Variants in SPOCK2 observed in about 807,000 individuals in gnomAD.
The protein encoded by SPOCK2 is testican-2.
SPOCK2 carries 39 observed loss-of-function variants against 60.1 expected under a neutral mutation model. The ratio of observed to expected loss-of-function variants is 0.65; its 90% CI spans 0.50 to 0.85. SPOCK2 has a LOEUF of 0.85. Among genes scored for constraint, SPOCK2 ranks in the 40% least tolerant of loss-of-function variants. The probability of loss-of-function intolerance (pLI) is 0.00; values close to 1 mark genes in which losing one functional copy is unlikely to be tolerated. For synonymous variants in SPOCK2, 217 were observed against 231.5 expected, an observed-to-expected ratio of 0.94 and a Z score of 0.57; for missense variants, 523 against 567.4, an observed-to-expected ratio of 0.92 and a Z score of 0.80.
chr10:72,067,812 C>CA, intron 6 of SPOCK2, 80 bp from the exon 7 acceptor site: 1 of 1,552,548 alleles, frequency 6.4e-7, no homozygotes, highest in Admixed American at 1.9e-5. Flanking sequence ...TCCTGCCCTA[C>CA]AGGCCAGGAG....
Position 72,087,464 on chromosome 10 carries a change from T to C in SPOCK2, c.189+676A>G, listed in dbSNP as rs796107362. Among the ~76,000 whole-genome samples, 126 of 152,152 alleles carry C rather than the reference T, an allele frequency of 8.3e-4. No individual in the cohort carries two copies. The highest frequency in any genetic ancestry group is 2.6e-3 in the African/African-American group (110 of 41,530). ...CCTCGCTCCAGGCTGGATTCCCCCC[T>C]GAAATGTTGGTCCGGGAAAACCAGC... On this transcript the variant is annotated intron_variant, in intron 1 of 10. Transcript: ENST00000373109. This position sits in a 1 kb window ranked among gnomAD's most constrained non-coding sequence, Gnocchi z 4.7.
chr10:72,073,039 T>C, intron 1 of SPOCK2, 129 bp from the exon 2 acceptor site: 1 of 1,244,990 alleles, frequency 8.0e-7, no homozygotes, highest in Admixed American at 2.0e-5. Flanking sequence ...GGCCGAGCAA[T>C]GGCCTTCGAT....
intron 8 of SPOCK2, among the ~76,000 whole-genome samples, chr10:72,064,919 AC>A (rs1318973889): frequency 7.5e-6 from 1 of 132,792 alleles, no homozygotes; most frequent in Non-Finnish European, 1.8e-5. Flanking sequence ...TTTAGTAGAG[AC>A]GGGGTTTCAC....
Position 72,062,931 on chromosome 10 carries a change from G to T in SPOCK2, c.1130-26C>A, listed in dbSNP as rs1300915977. 1 of 1,594,388 alleles carries T rather than the reference G, an allele frequency of 6.3e-7. No homozygotes were observed. Among genetic ancestry groups the T allele is most frequent in the East Asian group, 2.3e-5 (1 of 44,290 alleles). On this transcript the variant is annotated intron_variant, in intron 10 of 10. Transcript: ENST00000373109. The surrounding 1 kb of genome is among the most constrained non-coding windows in gnomAD (Gnocchi z 4.3). ...CTGTGAGGGGATCAAGCCAACAGGG[G>T]GTGAGGGAGCTTCTGGCACGCACCC... is the stretch of plus-strand genomic sequence containing the variant.
chr10:72,082,666 C>T (rs1045222630), intron 1 of SPOCK2, among the ~76,000 whole-genome samples: 1 of 151,724 alleles, frequency 6.6e-6, no homozygotes, highest in South Asian at 2.1e-4. Context: ...CCAGCAAGGG[C>T]AACATGGTGA....
chr10:72,067,018 G>A lies in SPOCK2; in HGVS notation c.812C>T (p.Ala271Val), dbSNP rs147545341. The A allele has an allele frequency of 1.8e-4, 295 of 1,614,222 alleles. 2 individuals carry two copies. The highest frequency in any genetic ancestry group is 1.2e-3 in the Middle Eastern group (7 of 6,062). ...ADLFLDQTEL[A>V]AINLDKYEVC... Reference sequence around the variant, plus strand: ...CTCGTACTTGTCCAGGTTGATGGCGGCCAGCTCCGTCTGGTCCAGGAAGAG... The same window carrying A: ...CTCGTACTTGTCCAGGTTGATGGCGACCAGCTCCGTCTGGTCCAGGAAGAG... Residue 271 changes from alanine (A) to valine (V), a missense_variant, in exon 8 of 11, where the codon GCC (alanine) becomes GTC (valine). Transcript: ENST00000373109.
chr10:72,072,214 G>A lies in SPOCK2; in HGVS notation c.289C>T (p.Arg97Cys), dbSNP rs201723515. Reference sequence around the variant, plus strand: ...CCCTGGGCAATGCACACCTTGTGGCGGCTGCACTTCACCTTCTGGCAGGGG... The same window carrying A: ...CCCTGGGCAATGCACACCTTGTGGCAGCTGCACTTCACCTTCTGGCAGGGG... ...KDPCQKVKCS[R>C]HKVCIAQGYQ... Residue 97 changes from arginine (R) to cysteine (C), a missense_variant, in exon 4 of 11, where the codon CGC becomes TGC. Transcript: ENST00000373109. 9 of 1,552,086 alleles carry A rather than the reference G, an allele frequency of 5.8e-6. No individual in the cohort carries two copies. The African/African-American group carries it at 6.8e-5, about 12-fold the overall frequency.
intron 1 of SPOCK2, among the ~76,000 whole-genome samples, chr10:72,078,536 A>C (rs1336340829): frequency 6.6e-6 from 1 of 151,618 alleles, no homozygotes; most frequent in Non-Finnish European, 1.5e-5. Context: ...TAAATAATAA[A>C]AATAAAATAA....
chr10:72,084,630 G>A (rs1006420185), intron 1 of SPOCK2, among the ~76,000 whole-genome samples: 2 of 152,170 alleles, frequency 1.3e-5, no homozygotes, highest in African/African-American at 4.8e-5. Context: ...TCTCACTTTC[G>A]CTAAGGGTGA....
intron 1 of SPOCK2, among the ~76,000 whole-genome samples, chr10:72,076,911 C>A (rs189975395): frequency 6.6e-6 from 1 of 152,186 alleles, no homozygotes; most frequent in Non-Finnish European, 1.5e-5. Flanking sequence ...TTCCCCATCG[C>A]CCCCTCCCAC....
rs145544067 is a variant in SPOCK2, at chr10:72,070,372, G to A, written c.414C>T (p.Pro138=). The change falls in exon 5 of 11, where the codon CCC becomes CCT. Residue 138 remains proline (P), a synonymous_variant. Coordinates refer to ENST00000373109, the MANE Select transcript of SPOCK2 (RefSeq NM_001244950.2). The stretch of plus-strand genomic sequence containing the variant: ...CAGAGGCAAGCTGGGCCATGTGGCA[G>A]GGCTTGCAGATGGAGTCTTTGTTTC... The part of the protein sequence containing the change: ...LHGNKDSICK[P]CHMAQLASVC... 6.6e-5 allele frequency: 107 copies of A among 1,614,228 alleles called. No individual in the cohort carries two copies. In the African/African-American group the frequency reaches 1.3e-3, roughly 19 times the overall value.
intron 1 of SPOCK2, among the ~76,000 whole-genome samples, chr10:72,073,851 G>A (rs369567992): frequency 3.3e-5 from 5 of 152,342 alleles, no homozygotes; most frequent in South Asian, 4.1e-4. Flanking sequence ...TTTCCCCTAC[G>A]GGGCAGAGAC....
intron 5 of SPOCK2, among the ~76,000 whole-genome samples, chr10:72,069,823 G>A (rs1203791710): frequency 1.3e-5 from 2 of 152,106 alleles, no homozygotes; most frequent in African/African-American, 2.4e-5. Context: ...CACATAAGGT[G>A]CAAATTCATT....
rs1281022147 is a variant in SPOCK2, at chr10:72,072,973, T to C, written c.190-63A>G. On this transcript the variant is annotated intron_variant, in intron 1 of 10. Coordinates refer to ENST00000373109, the MANE Select transcript of SPOCK2 (RefSeq NM_001244950.2). ...GAGCAGGAAGAGAAAGGGAGAAAGA[T>C]GGGGATATCAGTGTGAGGCCCTCTG... 3 of 1,551,326 alleles carry C rather than the reference T, an allele frequency of 1.9e-6. No homozygotes were observed. In the South Asian group the frequency reaches 3.6e-5, roughly 18 times the overall value.
At chr10:72,064,273 GT>G (rs762627147) in intron 8 of SPOCK2, 33 bp from the exon 9 acceptor site, 6 of 1,551,858 alleles carry the variant, frequency 3.9e-6, no homozygotes, top group Non-Finnish European at 5.2e-6. Flanking sequence ...TGATGGGACT[GT>G]CCCCTGGTGC....
chr10:72,082,477 G>A lies in SPOCK2; in HGVS notation c.189+5663C>T, dbSNP rs1415812790. On this transcript the variant is annotated intron_variant, in intron 1 of 10. Coordinates refer to ENST00000373109, the MANE Select transcript of SPOCK2 (RefSeq NM_001244950.2). ...GAAATCCTGACCTCCAATGGGAGTC[G>A]ATTAGGAGGCGGGGCCTTGGGGGAG... Among the ~76,000 whole-genome samples the A allele has an allele frequency of 3.3e-5, 5 of 152,194 alleles. No individual in the cohort carries two copies. In the South Asian group the frequency reaches 8.3e-4, roughly 25 times the overall value.
intron 1 of SPOCK2, among the ~76,000 whole-genome samples, chr10:72,076,869 G>T (rs1007232700): frequency 1.3e-5 from 2 of 152,222 alleles, no homozygotes; most frequent in Non-Finnish European, 2.9e-5. Context: ...ACTGGCCAGA[G>T]ATGGCAAGAC....
intron 1 of SPOCK2, among the ~76,000 whole-genome samples, chr10:72,080,631 C>T (rs1175074492): frequency 1.3e-5 from 2 of 151,664 alleles, no homozygotes; most frequent in African/African-American, 2.4e-5. Context: ...AAGTGGGGGG[C>T]AGAGGGGCCA....
In SPOCK2 at chr10:72,070,441, G is replaced by T. The variant is rs778789599; in HGVS notation, c.360-15C>A. 9 of 1,612,378 alleles carry T rather than the reference G, an allele frequency of 5.6e-6. No individual in the cohort carries two copies. The highest frequency in any genetic ancestry group is 7.6e-6 in the Non-Finnish European group (9 of 1,178,620). ...GCTGCTTGATCCTACAGGAGAGGGT[G>T]GGGGGCACACCAGGGTGGAAGTGAC... On this transcript the variant is annotated splice_polypyrimidine_tract_variant and intron_variant, in intron 4 of 10. Coordinates refer to ENST00000373109, the MANE Select transcript of SPOCK2 (RefSeq NM_001244950.2).
Sources: allele counts gnomAD v4.1 joint callset (sites outside exome capture counted in the v4.1 genomes callset), GRCh38; gene constraint gnomAD v4.1.1; non-coding constraint Gnocchi (gnomAD v3.1); transcripts MANE v1.5; gene names NCBI Gene and HGNC (gene_info 2026-07-23, HGNC 2026-07-21).